SLC7A7: variants seen among roughly 807,000 people sequenced by gnomAD.
SLC7A7 encodes the protein solute carrier family 7 member 7.
A neutral mutation model predicts 47.9 loss-of-function variants in SLC7A7; 39 were observed. The ratio of observed to expected loss-of-function variants is 0.81; its 90% CI spans 0.63 to 1.06. The LOEUF is 1.06. Ranked by LOEUF, SLC7A7 falls within the 50% of genes least tolerant of loss-of-function variation. The pLI, the probability that SLC7A7 is intolerant of heterozygous loss-of-function variation, is 0.00. For synonymous variants in SLC7A7, 234 were observed against 242.8 expected (o/e 0.96, Z 0.34); for missense variants, 588 against 632.0 (o/e 0.93, Z 0.75).
At chr14:22,780,680 G>C (rs1181278715) in intron 2 of SLC7A7, among the ~76,000 whole-genome samples, 2 of 152,194 alleles carry the variant, frequency 1.3e-5, no homozygotes, top group Non-Finnish European at 2.9e-5. Context: ...CAATAGAGAA[G>C]TAAGAGCCAC....
intron 2 of SLC7A7, among the ~76,000 whole-genome samples, chr14:22,787,039 T>C (rs935453370): frequency 3.3e-5 from 5 of 152,212 alleles, no homozygotes; most frequent in Admixed American, 6.6e-5. Context: ...TGATATGGGA[T>C]TTTTCCTTCT....
chr14:22,797,330 CTGTT>C (rs918529406), intron 2 of SLC7A7, among the ~76,000 whole-genome samples: 1 of 152,200 alleles, frequency 6.6e-6, no homozygotes, highest in Admixed American at 6.5e-5. Flanking sequence ...GCACACCTCT[CTGTT>C]TGGGAAAAGC....
intron 8 of SLC7A7, 51 bp from the exon 9 acceptor site, chr14:22,774,167 G>A: frequency 6.2e-7 from 1 of 1,605,988 alleles, no homozygotes. Context: ...ATTCTTAACA[G>A]CTAAAATAAC....
intron 2 of SLC7A7, among the ~76,000 whole-genome samples, chr14:22,790,952 C>G (rs891893189): frequency 6.7e-6 from 1 of 149,622 alleles, no homozygotes; most frequent in Non-Finnish European, 1.5e-5. Flanking sequence ...GAGCTAAGAT[C>G]GCGCCACTGC....
At position 22,813,295 on chromosome 14, in the gene SLC7A7, T is replaced by G. The variant is rs2039350986; in HGVS notation, c.104A>C (p.Lys35Thr). The G allele has an allele frequency of 6.2e-7, 1 of 1,614,032 alleles. No individual in the cohort carries two copies. Among genetic ancestry groups the G allele is most frequent in the Non-Finnish European group, 8.5e-7 (1 of 1,180,012 alleles). ...SPGPEQVKLK[K>T]EISLLNGVCL... ...CACGCCGTTAAGCAGTGAGATCTCC[T>G]TCTTCAGCTTCACCTGCTCCGGCCC... Residue 35 changes from lysine (K) to threonine (T), a missense_variant, in exon 2 of 10, where the codon AAG (lysine) becomes ACG (threonine). Coordinates refer to ENST00000674313, the MANE Select transcript of SLC7A7 (RefSeq NM_003982.4).
intron 2 of SLC7A7, among the ~76,000 whole-genome samples, chr14:22,795,396 TTCTTTCTTTC>T (rs1388428463): frequency 1.4e-4 from 10 of 69,432 alleles, no homozygotes; most frequent in East Asian, 8.1e-4. Context: ...CTTTCTTTCT[TTCTTTCTTTC>T]TTTCTTTCTT....
rs1400198554 is a variant in SLC7A7 at position 22,775,601 on chromosome 14, C to T, written c.999-61G>A. 1.2e-5 allele frequency: 16 copies of T among 1,386,612 alleles called. No individual in the cohort carries two copies. In the South Asian group the frequency reaches 1.6e-4, roughly 14 times the overall value. The allele number at this position is 1,386,612 out of a possible 1,614,324, so 85.9% of individuals were successfully genotyped here. A position where few individuals can be genotyped will look rare whatever the true frequency, so the allele number is the denominator to read the frequency against. On this transcript the variant is annotated intron_variant, in intron 6 of 9. Coordinates refer to ENST00000674313, the MANE Select transcript of SLC7A7 (RefSeq NM_003982.4). ...GGTGGACACGGTGCAGCCTGGTTCACCTGCCACATGGCCCTCCCTCTCTGC... is the reference window on the plus strand; with the variant it reads ...GGTGGACACGGTGCAGCCTGGTTCATCTGCCACATGGCCCTCCCTCTCTGC...
upstream of SLC7A7, chr14:22,816,026 C>T (rs534275740): frequency 2.1e-4 from 46 of 216,216 alleles, 1 homozygote; most frequent in African/African-American, 4.3e-4. Context: ...AAAGTCTGAG[C>T]CTCAGACTAC....
At chr14:22,796,194 T>C (rs927626654) in intron 2 of SLC7A7, among the ~76,000 whole-genome samples, 1 of 151,996 alleles carries the variant, frequency 6.6e-6, no homozygotes, top group South Asian at 2.1e-4. Flanking sequence ...CAAAAGTCCG[T>C]TGGGGGGCCC....
At chr14:22,810,063 A>G (rs929428971) in intron 2 of SLC7A7, among the ~76,000 whole-genome samples, 1 of 136,638 alleles carries the variant, frequency 7.3e-6, no homozygotes, top group Non-Finnish European at 1.6e-5. Context: ...AAAAAAAAAA[A>G]GCAGCAACAG....
At chr14:22,789,938 C>G (rs947452551) in intron 2 of SLC7A7, among the ~76,000 whole-genome samples, 7 of 152,096 alleles carry the variant, frequency 4.6e-5, no homozygotes, top group African/African-American at 1.7e-4. Flanking sequence ...CCCAGTGAGA[C>G]CCATTTCAGA....
At chr14:22,777,225 G>A (rs560741733) in intron 4 of SLC7A7, among the ~76,000 whole-genome samples, 5 of 151,872 alleles carry the variant, frequency 3.3e-5, no homozygotes, top group Non-Finnish European at 7.4e-5. Context: ...AGGAAAATGG[G>A]AGGTTGTTTT....
chr14:22,792,131 G>T (rs931178073), intron 2 of SLC7A7, among the ~76,000 whole-genome samples: 1 of 150,584 alleles, frequency 6.6e-6, no homozygotes, highest in African/African-American at 2.4e-5. Context: ...CACCGCGCCC[G>T]GCCTGGAAAC....
At chr14:22,805,082 A>G (rs10459445) in intron 2 of SLC7A7, among the ~76,000 whole-genome samples, 19,156 of 150,188 alleles carry the variant, frequency 0.13, 1,375 homozygotes, top group South Asian at 0.19. Context: ...AAAAAGGAAC[A>G]CCTGGCCAGG....
chr14:22,782,186 T>C (rs576519132), intron 2 of SLC7A7, among the ~76,000 whole-genome samples: 1 of 152,162 alleles, frequency 6.6e-6, no homozygotes, highest in South Asian at 2.1e-4. Flanking sequence ...CATGGCAACA[T>C]CTGCCTCCCG....
chr14:22,795,317 C>T (rs2038993622), intron 2 of SLC7A7, among the ~76,000 whole-genome samples: 1 of 150,054 alleles, frequency 6.7e-6, no homozygotes, highest in African/African-American at 2.5e-5. Context: ...CATCCTCCTA[C>T]CTCAGTCTCC....
intron 2 of SLC7A7, among the ~76,000 whole-genome samples, chr14:22,810,204 C>G (rs28579848): frequency 0.53 from 80,897 of 151,590 alleles, 21,846 homozygotes; most frequent in East Asian, 0.8. Flanking sequence ...GTGGCCCATG[C>G]CTGTAATCCC....
intron 2 of SLC7A7, among the ~76,000 whole-genome samples, chr14:22,783,216 G>A (rs914278338): frequency 6.6e-6 from 1 of 151,856 alleles, no homozygotes; most frequent in African/African-American, 2.4e-5. Context: ...ACAGGTGTGA[G>A]CCACCGTGCC....
At position 22,813,012 on chromosome 14, in the gene SLC7A7, G is replaced by A. The variant is rs761211352; in HGVS notation, c.387C>T (p.Pro129=). 6.8e-6 allele frequency: 11 copies of A among 1,613,856 alleles called. No individual in the cohort carries two copies. The highest frequency in any genetic ancestry group is 9.3e-6 in the Non-Finnish European group (11 of 1,179,994). The change falls in exon 2 of 10, where the codon CCC becomes CCT. Residue 129 remains proline (P), a synonymous_variant. Transcript: ENST00000674313. ...RLWTSLLIIE[P]TSQAIIAITF... ...TGATGGCAATGATGGCCTGGCTGGT[G>A]GGCTCAATGATGAGCAGGGAGGTCC...
Sources: allele counts gnomAD v4.1 joint callset (sites outside exome capture counted in the v4.1 genomes callset), GRCh38; gene constraint gnomAD v4.1.1; transcripts MANE v1.5; gene names NCBI Gene and HGNC (gene_info 2026-07-23, HGNC 2026-07-21).